The following TBCK variants were observed in gnomAD, a reference collection of about 807,000 sequenced individuals.
The protein encoded by TBCK is TBC domain-containing protein kinase-like protein.
Under a neutral mutation model 113.4 loss-of-function variants are expected in TBCK, and 99 were observed. The ratio of observed to expected loss-of-function variants is 0.87; its 90% CI spans 0.74 to 1.03. The LOEUF (loss-of-function observed/expected upper bound fraction) is 1.03. TBCK is among the 50% of genes least tolerant of loss of function. The pLI is 0.00. For missense variants in TBCK, 1,045 were observed against 1,061.3 expected, an observed-to-expected ratio of 0.98 and a Z score of 0.21; for synonymous variants, 369 against 370.8, an observed-to-expected ratio of 1.00 and a Z score of 0.05.
At chr4:106,090,643 G>T (rs771954367) in intron 25 of TBCK, among the ~76,000 whole-genome samples, 3 of 152,054 alleles carry the variant, frequency 2.0e-5, no homozygotes, top group Non-Finnish European at 4.4e-5. Context: ...TAGGGTGTTA[G>T]AAGAAGCCAT....
intron 25 of TBCK, among the ~76,000 whole-genome samples, chr4:106,053,650 C>T (rs1313760489): frequency 6.6e-6 from 1 of 151,612 alleles, no homozygotes; most frequent in Non-Finnish European, 1.5e-5. Flanking sequence ...GTAAATTTGT[C>T]TTTACTATCT....
intron 20 of TBCK, among the ~76,000 whole-genome samples, chr4:106,212,307 G>A (rs904933498): frequency 7.2e-5 from 11 of 152,198 alleles, no homozygotes; most frequent in Admixed American, 3.3e-4. Flanking sequence ...TACAGCTAAC[G>A]TTTGATTTTC....
intron 24 of TBCK, among the ~76,000 whole-genome samples, chr4:106,100,249 A>G (rs1240674614): frequency 6.6e-6 from 1 of 151,962 alleles, no homozygotes; most frequent in African/African-American, 2.4e-5. Flanking sequence ...TCTTGCAAGG[A>G]TTAATAGAAT....
At chr4:106,275,202 C>G (rs1763898265) in intron 3 of TBCK, among the ~76,000 whole-genome samples, 1 of 152,116 alleles carries the variant, frequency 6.6e-6, no homozygotes, top group African/African-American at 2.4e-5. Flanking sequence ...AATAGAGATT[C>G]AAAAACACAT....
Position 106,157,862 on chromosome 4 carries a change from G to C in TBCK, c.2235+13233C>G, listed in dbSNP as rs531768306. Among the ~76,000 whole-genome samples, 38 of 152,180 alleles carry C rather than the reference G, an allele frequency of 2.5e-4. No homozygotes were observed. In the South Asian group the frequency reaches 7.7e-3, roughly 31 times the overall value. On this transcript the variant is annotated intron_variant, in intron 23 of 25. Coordinates refer to ENST00000394708, the MANE Select transcript of TBCK (RefSeq NM_001163435.3). ...CATGCTCGGTGAAGACTTCAATTTG[G>C]CCATCTTACTTTGCCCCCTCCCTAT...
chr4:106,157,946 G>T (rs570832475), intron 23 of TBCK, among the ~76,000 whole-genome samples: 1 of 152,234 alleles, frequency 6.6e-6, no homozygotes, highest in South Asian at 2.1e-4. Context: ...TGTTAAAAGA[G>T]AAGATGAAGG....
At position 106,168,376 on chromosome 4, in the gene TBCK, C is replaced by G. The variant is rs1372344858; in HGVS notation, c.2235+2719G>C. Among the ~76,000 whole-genome samples, 4 of 151,876 alleles carry G rather than the reference C, an allele frequency of 2.6e-5. No individual in the cohort carries two copies. In the East Asian group the frequency reaches 7.7e-4, roughly 29 times the overall value. On this transcript the variant is annotated intron_variant, in intron 23 of 25. Transcript: ENST00000394708. ...TGTAAAAAACATCTACAAAAACCTA[C>G]AGCTCACACAATACTTTCTGGTGAC...
intron 22 of TBCK, among the ~76,000 whole-genome samples, chr4:106,190,417 T>C (rs1753531877): frequency 6.6e-6 from 1 of 152,246 alleles, no homozygotes; most frequent in African/African-American, 2.4e-5. Flanking sequence ...ACTCATCTGA[T>C]GGTGATATTG....
At chr4:106,070,954 ATGGTAGT>A (rs1737347825) in intron 25 of TBCK, among the ~76,000 whole-genome samples, 2 of 151,894 alleles carry the variant, frequency 1.3e-5, no homozygotes, top group African/African-American at 4.8e-5. Context: ...GTATTTTCTG[ATGGTAGT>A]TTGTATTTCT....
intron 12 of TBCK, among the ~76,000 whole-genome samples, chr4:106,241,963 A>T (rs1199320883): frequency 2.0e-5 from 3 of 151,948 alleles, no homozygotes; most frequent in Non-Finnish European, 2.9e-5. Flanking sequence ...ATATATTTCC[A>T]TGACATACAG....
intron 20 of TBCK, among the ~76,000 whole-genome samples, chr4:106,206,893 T>C (rs1300447334): frequency 2.0e-5 from 3 of 152,198 alleles, no homozygotes; most frequent in Non-Finnish European, 4.4e-5. Flanking sequence ...TCTTTAGCTG[T>C]GACAGTAGGT....
intron 25 of TBCK, among the ~76,000 whole-genome samples, chr4:106,073,915 C>T (rs905901690): frequency 2.6e-5 from 4 of 152,214 alleles, no homozygotes; most frequent in Non-Finnish European, 5.9e-5. Context: ...ATGGGACCCA[C>T]TGAGCCAGGC....
chr4:106,253,773 G>A (rs1302567883), intron 5 of TBCK, among the ~76,000 whole-genome samples: 2 of 152,030 alleles, frequency 1.3e-5, no homozygotes, highest in African/African-American at 2.4e-5. Flanking sequence ...CAAGACTTTC[G>A]CTTATTTCTC....
chr4:106,076,637 A>G (rs1347409269), intron 25 of TBCK, among the ~76,000 whole-genome samples: 1 of 152,184 alleles, frequency 6.6e-6, no homozygotes, highest in Non-Finnish European at 1.5e-5. Context: ...GGTCACTTAC[A>G]AAGGGAACTC....
At chr4:106,071,731 C>T (rs536568091) in intron 25 of TBCK, among the ~76,000 whole-genome samples, 1 of 152,258 alleles carries the variant, frequency 6.6e-6, no homozygotes, top group Admixed American at 6.5e-5. Context: ...GTGTGGGAGT[C>T]TAAGTCTCTT....
chr4:106,197,405 G>GTATATATA (rs1226611535), intron 20 of TBCK, among the ~76,000 whole-genome samples: 2 of 105,786 alleles, frequency 1.9e-5, no homozygotes, highest in African/African-American at 5.9e-5. Context: ...GTGTGTGTGT[G>GTATATATA]TGTGTGTATA....
chr4:106,292,811 T>C, intron 3 of TBCK, among the ~76,000 whole-genome samples: 1 of 152,174 alleles, frequency 6.6e-6, no homozygotes, highest in East Asian at 1.9e-4. Flanking sequence ...CTTCCTTATG[T>C]GACATATTCA....
intron 5 of TBCK, among the ~76,000 whole-genome samples, chr4:106,252,726 T>C (rs1304784184): frequency 6.6e-6 from 1 of 152,124 alleles, no homozygotes; most frequent in Admixed American, 6.6e-5. Flanking sequence ...ATTATGACTA[T>C]TACATATCCC....
chr4:106,097,639 G>A (rs528376843), intron 24 of TBCK, among the ~76,000 whole-genome samples: 21 of 152,138 alleles, frequency 1.4e-4, no homozygotes, highest in African/African-American at 4.3e-4. Flanking sequence ...TCCTTGGAAA[G>A]TATTTACATG....
Sources: gnomAD v4.1 joint callset for allele counts (sites outside exome capture counted in the v4.1 genomes callset) on GRCh38, gnomAD v4.1.1 for gene constraint, MANE v1.5 for transcripts, NCBI Gene and HGNC (gene_info 2026-07-23, HGNC 2026-07-21) for gene names.